Variants in PHLDB2 observed in about 807,000 individuals in gnomAD.
PHLDB2 encodes pleckstrin homology like domain family B member 2.
Under a neutral mutation model 123.6 loss-of-function variants are expected in PHLDB2, and 71 were observed. That is an observed-to-expected ratio of 0.57 (90% CI 0.47 to 0.70). PHLDB2 has a LOEUF of 0.70. PHLDB2 is among the 30% of genes least tolerant of loss of function. The probability of loss-of-function intolerance (pLI) is 0.00; values close to 1 mark genes in which losing one functional copy is unlikely to be tolerated. For missense variants in PHLDB2, 1,446 were observed against 1,519.5 expected (o/e 0.95, Z 0.80); for synonymous variants, 547 against 541.6 (o/e 1.01, Z -0.14).
chr3:111,828,529 G>A (rs1051317037), intron 1 of PHLDB2, among the ~76,000 whole-genome samples: 25 of 152,116 alleles, frequency 1.6e-4, no homozygotes, highest in South Asian at 6.2e-4. Context: ...AGTGGTTCAC[G>A]CCTGTAATCC....
chr3:111,883,109 T>C (rs189735580), intron 1 of PHLDB2, among the ~76,000 whole-genome samples: 1 of 152,220 alleles, frequency 6.6e-6, no homozygotes, highest in African/African-American at 2.4e-5. Context: ...TTCCCTTTGC[T>C]GATAATCTAA....
chr3:111,767,506 C>T (rs2060103014), intron 1 of PHLDB2, among the ~76,000 whole-genome samples: 1 of 152,150 alleles, frequency 6.6e-6, no homozygotes, highest in South Asian at 2.1e-4. Context: ...AAATTCCTGC[C>T]ATGTAGGGTT....
Position 111,945,260 on chromosome 3 carries a change from TC to T in PHLDB2, c.2398-6del. The T allele has an allele frequency of 1.9e-6, 3 of 1,590,524 alleles. No homozygotes were observed. Among genetic ancestry groups the T allele is most frequent in the Non-Finnish European group, 1.7e-6 (2 of 1,160,988 alleles). ...CTTTTAAGTTTAATAGGTTTTGTAT[TC>T]CTTCAGGAAAAGGAGAATCTTTGTA... On this transcript the variant is annotated splice_region_variant and splice_polypyrimidine_tract_variant and intron_variant, in intron 8 of 17. Coordinates refer to ENST00000431670, the MANE Select transcript of PHLDB2 (RefSeq NM_001134438.2).
intron 6 of PHLDB2, among the ~76,000 whole-genome samples, chr3:111,937,913 A>G (rs141784416): frequency 1.3e-5 from 2 of 152,356 alleles, no homozygotes; most frequent in East Asian, 3.9e-4. Context: ...TCTATACAAC[A>G]TGCATCAATC....
intron 1 of PHLDB2, among the ~76,000 whole-genome samples, chr3:111,784,153 G>A (rs531176409): frequency 6.6e-6 from 1 of 152,076 alleles, no homozygotes; most frequent in Non-Finnish European, 1.5e-5. Context: ...ATTCTAACAG[G>A]CAATAAATAT....
chr3:111,737,995 C>A (rs2059539210), intron 1 of PHLDB2, among the ~76,000 whole-genome samples: 1 of 152,104 alleles, frequency 6.6e-6, no homozygotes, highest in Non-Finnish European at 1.5e-5. Flanking sequence ...GAAGATGTTG[C>A]AGTGAATTGG....
chr3:111,738,819 C>T (rs1160204787), intron 1 of PHLDB2, among the ~76,000 whole-genome samples: 1 of 152,088 alleles, frequency 6.6e-6, no homozygotes, highest in African/African-American at 2.4e-5. Context: ...CTAGGGGAGA[C>T]TAAAGAAAGA....
chr3:111,893,530 A>G (rs926346259), intron 2 of PHLDB2, among the ~76,000 whole-genome samples: 5 of 152,132 alleles, frequency 3.3e-5, no homozygotes, highest in Non-Finnish European at 7.4e-5. Flanking sequence ...TAGAATGGCC[A>G]TTGTCAGGTA....
chr3:111,942,697 A>G (rs2069989269), intron 8 of PHLDB2, among the ~76,000 whole-genome samples: 1 of 152,128 alleles, frequency 6.6e-6, no homozygotes, highest in South Asian at 2.1e-4. Flanking sequence ...AAGGCTGTGA[A>G]GGGCCTTATG....
chr3:111,779,379 G>A (rs1323881950), intron 1 of PHLDB2, among the ~76,000 whole-genome samples: 1 of 151,974 alleles, frequency 6.6e-6, no homozygotes, highest in Non-Finnish European at 1.5e-5. Flanking sequence ...GTACCCAATA[G>A]ATAGTTTTTC....
At chr3:111,804,888 C>T (rs2061511675) in intron 1 of PHLDB2, among the ~76,000 whole-genome samples, 1 of 152,020 alleles carries the variant, frequency 6.6e-6, no homozygotes, top group East Asian at 1.9e-4. Flanking sequence ...AAAATATTGA[C>T]ATAAATAACA....
intron 2 of PHLDB2, among the ~76,000 whole-genome samples, chr3:111,904,005 A>G (rs754655556): frequency 2.0e-5 from 3 of 152,052 alleles, no homozygotes; most frequent in Non-Finnish European, 4.4e-5. Context: ...AGCTGGACAC[A>G]GTGGCCCACA....
chr3:111,930,625 T>C (rs1056272542), intron 5 of PHLDB2, among the ~76,000 whole-genome samples: 1 of 152,084 alleles, frequency 6.6e-6, no homozygotes, highest in African/African-American at 2.4e-5. Flanking sequence ...AAAAAAAAAT[T>C]CTGAAACTAA....
At chr3:111,953,392 A>T (rs981759557) in intron 11 of PHLDB2, among the ~76,000 whole-genome samples, 2 of 152,190 alleles carry the variant, frequency 1.3e-5, no homozygotes, top group South Asian at 4.1e-4. Flanking sequence ...TAATCAGAGT[A>T]ACTTTGTTTT....
intron 1 of PHLDB2, among the ~76,000 whole-genome samples, chr3:111,864,007 G>A (rs72938244): frequency 0.033 from 4,992 of 152,198 alleles, 277 homozygotes; most frequent in African/African-American, 0.11. Flanking sequence ...ACAGGTTCTG[G>A]CCATATAGGA....
rs147601321 is a variant in PHLDB2 at position 111,774,955 on chromosome 3, C to T, written c.-49+42252C>T. ...CCTGAATCTCATCAGAAGGATGTGC[C>T]ATAAGGAGTGAGTTGGAGAAACAAG... On this transcript the variant is annotated intron_variant, in intron 1 of 17. Coordinates refer to the PHLDB2 transcript ENST00000393923. Among the ~76,000 whole-genome samples, 32 of 152,132 alleles carry T rather than the reference C, an allele frequency of 2.1e-4. 2 individuals are homozygous for T. The East Asian group carries it at 5.8e-3, about 27-fold the overall frequency.
intron 1 of PHLDB2, among the ~76,000 whole-genome samples, chr3:111,867,353 C>CT (rs1286030156): frequency 6.6e-6 from 1 of 151,918 alleles, no homozygotes; most frequent in African/African-American, 2.4e-5. Flanking sequence ...ATGCACGTAG[C>CT]TTTTTTAAAA....
At chr3:111,966,273 A>G (rs2071747232) in intron 13 of PHLDB2, among the ~76,000 whole-genome samples, 1 of 152,142 alleles carries the variant, frequency 6.6e-6, no homozygotes, top group East Asian at 1.9e-4. Flanking sequence ...ACTTTGGAGG[A>G]AGCATTTAGA....
chr3:111,945,553 T>C (rs1189653877), intron 9 of PHLDB2, 196 bp downstream of exon 9: 37 of 593,606 alleles, frequency 6.2e-5, no homozygotes, highest in South Asian at 6.0e-4. Context: ...CTAATGCAGA[T>C]GCACATTGTG....
Sources: allele counts gnomAD v4.1 joint callset (sites outside exome capture counted in the v4.1 genomes callset), GRCh38; gene constraint gnomAD v4.1.1; transcripts MANE v1.5; gene names NCBI Gene and HGNC (gene_info 2026-07-23, HGNC 2026-07-21).